POLR2I: variants seen among roughly 807,000 people sequenced by gnomAD.
The protein encoded by POLR2I is DNA-directed RNA polymerase II subunit RPB9.
POLR2I carries 15 observed loss-of-function variants against 23.0 expected under a neutral mutation model. The observed-to-expected ratio is 0.65, with a 90% CI of 0.44 to 1.00. The LOEUF (loss-of-function observed/expected upper bound fraction) is 1.00. POLR2I is among the 50% of genes least tolerant of loss of function. The pLI is 0.00. For missense variants in POLR2I, 120 were observed against 173.7 expected (o/e 0.69, Z 1.74); for synonymous variants, 72 against 65.4 (o/e 1.10, Z -0.49).
rs368763862 is a variant in POLR2I, at chr19:36,114,416, C to T, written c.115-4G>A. On this transcript the variant is annotated splice_polypyrimidine_tract_variant and splice_region_variant and intron_variant, in intron 2 of 5. Transcript: ENST00000221859. The surrounding 1 kb of genome is among the most constrained non-coding windows in gnomAD (Gnocchi z 4.5). ...GCTGGTAATCACAGTTCCGGCACTA[C>T]GAGAGGGCGAGTGTGGGGGAAAGGG... is the stretch of plus-strand genomic sequence containing the variant. 8.1e-6 allele frequency: 13 copies of T among 1,613,396 alleles called. No homozygotes were observed. The African/African-American group carries it at 9.3e-5, about 12-fold the overall frequency.
rs968141176 is a variant in POLR2I, at chr19:36,114,873, C to T, written c.-17G>A. On this transcript the variant is annotated 5_prime_UTR_variant, in exon 1 of 6. Transcript: ENST00000221859. This position sits in a 1 kb window ranked among gnomAD's most constrained non-coding sequence, Gnocchi z 4.5. ...GGGCTCCATGGCGACGCGCAGCCCG[C>T]GCAGCCCTCCCAGCCTTCCGCGCTT... 2 of 1,612,728 alleles carry T rather than the reference C, an allele frequency of 1.2e-6. No individual in the cohort carries two copies. The highest frequency in any genetic ancestry group is 1.3e-5 in the African/African-American group (1 of 75,018).
Position 36,114,875 on chromosome 19 carries a change from C to A in POLR2I, c.-19G>T, listed in dbSNP as rs201075532. The A allele has an allele frequency of 6.2e-7, 1 of 1,612,340 alleles. No individual in the cohort carries two copies. The highest frequency in any genetic ancestry group is 1.3e-5 in the African/African-American group (1 of 75,010). On this transcript the variant is annotated 5_prime_UTR_variant, in exon 1 of 6. Coordinates refer to ENST00000221859, the MANE Select transcript of POLR2I (RefSeq NM_006233.5). This position sits in a 1 kb window ranked among gnomAD's most constrained non-coding sequence, Gnocchi z 4.5. ...GCTCCATGGCGACGCGCAGCCCGCG[C>A]AGCCCTCCCAGCCTTCCGCGCTTGC...
Position 36,114,731 on chromosome 19 carries a change from T to C in POLR2I, c.60-18A>G, listed in dbSNP as rs768848063. The C allele has an allele frequency of 6.2e-7, 1 of 1,613,060 alleles. No individual in the cohort carries two copies. The highest frequency in any genetic ancestry group is 8.5e-7 in the Non-Finnish European group (1 of 1,179,316). On this transcript the variant is annotated intron_variant, in intron 1 of 5. Transcript: ENST00000221859. This position sits in a 1 kb window ranked among gnomAD's most constrained non-coding sequence, Gnocchi z 4.5. ...TGTTGTTACTGTGGGGAGGGGGAGG[T>C]GCCAGGGGTTAGTTCTGGAGCCATT... is the stretch of plus-strand genomic sequence containing the variant.
chr19:36,114,000 C>T lies in POLR2I; in HGVS notation c.315+15G>A. On this transcript the variant is annotated intron_variant, in intron 5 of 5. Coordinates refer to ENST00000221859, the MANE Select transcript of POLR2I (RefSeq NM_006233.5). ...AACAAGCCCCAGATACTTAGAAAGCCCTCGCGCCACTTACCTCGGCCCGCG... is the reference window on the plus strand; with the variant it reads ...AACAAGCCCCAGATACTTAGAAAGCTCTCGCGCCACTTACCTCGGCCCGCG... The T allele has an allele frequency of 6.2e-7, 1 of 1,613,368 alleles. No homozygotes were observed. The highest frequency in any genetic ancestry group is 8.5e-7 in the Non-Finnish European group (1 of 1,179,588).
chr19:36,114,843 C>G lies in POLR2I; in HGVS notation c.14G>C (p.Gly5Ala). The change falls in exon 1 of 6, where the codon GGG (glycine) becomes GCG (alanine). Residue 5 changes from glycine to alanine, a missense_variant. By Grantham distance (60) the Gly-to-Ala change is moderately conservative (BLOSUM62 0). Transcript: ENST00000221859. The surrounding 1 kb of genome is among the most constrained non-coding windows in gnomAD (Gnocchi z 4.5). ...ACCCACGAAGCCCGGCTCGTAAGTCCCGTCGGGCTCCATGGCGACGCGCAG... is the reference window on the plus strand; with the variant it reads ...ACCCACGAAGCCCGGCTCGTAAGTCGCGTCGGGCTCCATGGCGACGCGCAG... MEPD[G>A]TYEPGFVGIR... 1 of 1,613,892 alleles carries G rather than the reference C, an allele frequency of 6.2e-7. No homozygotes were observed.
At chr19:36,113,914 G>A (rs1270277877) in intron 5 of POLR2I, 97 bp from the exon 6 acceptor site, 4 of 1,575,346 alleles carry the variant, frequency 2.5e-6, no homozygotes, top group African/African-American at 2.7e-5. Flanking sequence ...GTAAGGGCCC[G>A]GCAGAGTTCC....
chr19:36,113,876 A>C, intron 5 of POLR2I, 59 bp from the exon 6 acceptor site: 1 of 1,598,762 alleles, frequency 6.3e-7, no homozygotes, highest in South Asian at 1.1e-5. Context: ...TTACCCCAAA[A>C]GAACAGGCAA....
rs776093724 is a variant in POLR2I, at chr19:36,114,627, G to A, written c.114+32C>T. The A allele has an allele frequency of 6.3e-7, 1 of 1,592,928 alleles. No individual in the cohort carries two copies. The highest frequency in any genetic ancestry group is 8.6e-7 in the Non-Finnish European group (1 of 1,165,406). On this transcript the variant is annotated intron_variant, in intron 2 of 5. Coordinates refer to ENST00000221859, the MANE Select transcript of POLR2I (RefSeq NM_006233.5). The surrounding 1 kb of genome is among the most constrained non-coding windows in gnomAD (Gnocchi z 4.5). ...CAGGGCGGGGCCACGCTGGGAACAG[G>A]TGGACCTGCCGGGGAAGACCCCGGC...
In POLR2I at chr19:36,113,754, G is replaced by A; in HGVS notation, c.*1C>T. 6.2e-7 allele frequency: 1 copy of A among 1,613,554 alleles called. No individual in the cohort carries two copies. The highest frequency in any genetic ancestry group is 8.5e-7 in the Non-Finnish European group (1 of 1,179,844). On this transcript the variant is annotated 3_prime_UTR_variant, in exon 6 of 6. Coordinates refer to ENST00000221859, the MANE Select transcript of POLR2I (RefSeq NM_006233.5). The stretch of plus-strand genomic sequence containing the variant: ...TTATTACACTCGGGGGAGAGAGGAG[G>A]TCACTCGGTCCAGCGGTGGCCGCAG...
rs1275100930 is a variant in POLR2I at position 36,114,320 on chromosome 19, C to G, written c.188+19G>C. 1 of 1,613,908 alleles carries G rather than the reference C, an allele frequency of 6.2e-7. No homozygotes were observed. Among genetic ancestry groups the G allele is most frequent in the African/African-American group, 1.3e-5 (1 of 75,026 alleles). ...CCAGAGCCAACACCCCCGCCCCCAG[C>G]TCAGGGCCCGCCACTCACTCCACTT... is the stretch of plus-strand genomic sequence containing the variant. On this transcript the variant is annotated intron_variant, in intron 3 of 5. Transcript: ENST00000221859. The surrounding 1 kb of genome is among the most constrained non-coding windows in gnomAD (Gnocchi z 4.5).
chr19:36,114,024 C>A lies in POLR2I; in HGVS notation c.306G>T (p.Ala102=). 6.2e-7 allele frequency: 1 copy of A among 1,613,964 alleles called. No homozygotes were observed. The highest frequency in any genetic ancestry group is 8.5e-7 in the Non-Finnish European group (1 of 1,179,976). Residue 102 remains alanine (A), a synonymous_variant, in exon 5 of 6, where the codon GCG becomes GCT. Coordinates refer to ENST00000221859, the MANE Select transcript of POLR2I (RefSeq NM_006233.5). This position sits in a 1 kb window ranked among gnomAD's most constrained non-coding sequence, Gnocchi z 4.5. ...CCCTCGCGCCACTTACCTCGGCCCG[C>A]GCACTGTGTGACTGGAAGAACACAG... ...KEAVFFQSHS[A]RAEDAMRLYY... is the part of the protein sequence containing the mutation.
At position 36,114,866 on chromosome 19, in the gene POLR2I, C is replaced by T. The variant is rs567173941; in HGVS notation, c.-10G>A. The T allele has an allele frequency of 2.5e-6, 4 of 1,612,498 alleles. No homozygotes were observed. The highest frequency in any genetic ancestry group is 1.3e-5 in the African/African-American group (1 of 75,000). ...TCCCGTCGGGCTCCATGGCGACGCG[C>T]AGCCCGCGCAGCCCTCCCAGCCTTC... On this transcript the variant is annotated 5_prime_UTR_variant, in exon 1 of 6. Transcript: ENST00000221859. The surrounding 1 kb of genome is among the most constrained non-coding windows in gnomAD (Gnocchi z 4.5).
chr19:36,114,830 C>T lies in POLR2I; in HGVS notation c.27G>A (p.Pro9=). 1.2e-6 allele frequency: 2 copies of T among 1,614,092 alleles called. No individual in the cohort carries two copies. The highest frequency in any genetic ancestry group is 1.1e-5 in the South Asian group (1 of 91,088). MEPDGTYE[P]GFVGIRFCQE... is the part of the protein sequence containing the mutation. The stretch of plus-strand genomic sequence containing the variant: ...GGCAGAAGCGAATACCCACGAAGCC[C>T]GGCTCGTAAGTCCCGTCGGGCTCCA... Residue 9 remains proline, a synonymous_variant, in exon 1 of 6, where the codon CCG becomes CCA. Coordinates refer to ENST00000221859, the MANE Select transcript of POLR2I (RefSeq NM_006233.5). This position sits in a 1 kb window ranked among gnomAD's most constrained non-coding sequence, Gnocchi z 4.5.
chr19:36,114,697 G>A lies in POLR2I; in HGVS notation c.76C>T (p.Pro26Ser). Reference sequence around the variant, plus strand: ...ATGCGGTTCTCCTTGTCTTCCTTGGGGTACAGCATGTTGTTACTGTGGGGA... The same window carrying A: ...ATGCGGTTCTCCTTGTCTTCCTTGGAGTACAGCATGTTGTTACTGTGGGGA... ...FCQECNNMLY[P>S]KEDKENRILL... Residue 26 changes from proline to serine, a missense_variant, in exon 2 of 6, where the codon CCC becomes TCC. Physicochemically the swap from Pro to Ser is moderately conservative, Grantham distance 74. Transcript: ENST00000221859. This position sits in a 1 kb window ranked among gnomAD's most constrained non-coding sequence, Gnocchi z 4.5. 1 of 1,612,282 alleles carries A rather than the reference G, an allele frequency of 6.2e-7. No individual in the cohort carries two copies. The highest frequency in any genetic ancestry group is 1.7e-5 in the Admixed American group (1 of 59,968).
chr19:36,114,154 C>T lies in POLR2I; in HGVS notation c.263+23G>A, dbSNP rs1318881219. The T allele has an allele frequency of 1.2e-6, 2 of 1,613,982 alleles. No homozygotes were observed. Among genetic ancestry groups the T allele is most frequent in the Admixed American group, 1.7e-5 (1 of 59,996 alleles). On this transcript the variant is annotated intron_variant, in intron 4 of 5. Transcript: ENST00000221859. The surrounding 1 kb of genome is among the most constrained non-coding windows in gnomAD (Gnocchi z 4.5). ...GAGGAGACGAGCCTCACTTTACCTC[C>T]CCAGTACCAGCTGAACGCTCACTTT...
Position 36,114,828 on chromosome 19 carries a change from C to G in POLR2I, c.29G>C (p.Gly10Ala). 1 of 1,614,140 alleles carries G rather than the reference C, an allele frequency of 6.2e-7. No individual in the cohort carries two copies. Among genetic ancestry groups the G allele is most frequent in the African/African-American group, 1.3e-5 (1 of 75,070 alleles). MEPDGTYEP[G>A]FVGIRFCQEC... ...CTGGCAGAAGCGAATACCCACGAAG[C>G]CCGGCTCGTAAGTCCCGTCGGGCTC... The change falls in exon 1 of 6, where the codon GGC becomes GCC. Residue 10 changes from glycine (G) to alanine (A), a missense_variant. Gly to Ala is a moderately conservative substitution (Grantham distance 60, BLOSUM62 0). Coordinates refer to ENST00000221859, the MANE Select transcript of POLR2I (RefSeq NM_006233.5). This position sits in a 1 kb window ranked among gnomAD's most constrained non-coding sequence, Gnocchi z 4.5.
rs766238358 is a variant in POLR2I at position 36,114,757 on chromosome 19, C to A, written c.59+41G>T. The A allele has an allele frequency of 5.6e-6, 9 of 1,613,784 alleles. No individual in the cohort carries two copies. Among genetic ancestry groups the A allele is most frequent in the Non-Finnish European group, 7.6e-6 (9 of 1,179,784 alleles). ...GCCAGGGGTTAGTTCTGGAGCCATT[C>A]CTCGCCCGCCTTCTAACATCACCCG... On this transcript the variant is annotated intron_variant, in intron 1 of 5. Transcript: ENST00000221859. The surrounding 1 kb of genome is among the most constrained non-coding windows in gnomAD (Gnocchi z 4.5).
At position 36,114,814 on chromosome 19, in the gene POLR2I, G is replaced by T; in HGVS notation, c.43C>A (p.Arg15Ser). ...GTYEPGFVGI[R>S]FCQECNNMLY... ...CCGCCTCACCATTCCTGGCAGAAGC[G>T]AATACCCACGAAGCCCGGCTCGTAA... The change falls in exon 1 of 6, where the codon CGC becomes AGC. Residue 15 changes from arginine to serine, a missense_variant. Transcript: ENST00000221859. The surrounding 1 kb of genome is among the most constrained non-coding windows in gnomAD (Gnocchi z 4.5). The T allele has an allele frequency of 6.2e-7, 1 of 1,614,154 alleles. No homozygotes were observed. Among genetic ancestry groups the T allele is most frequent in the East Asian group, 2.2e-5 (1 of 44,872 alleles).
Position 36,114,286 on chromosome 19 carries a change from A to T in POLR2I, c.189-35T>A. 1.2e-6 allele frequency: 2 copies of T among 1,612,276 alleles called. No homozygotes were observed. Among genetic ancestry groups the T allele is most frequent in the Non-Finnish European group, 8.5e-7 (1 of 1,179,320 alleles). ...CGCGGGGGTGCAAAATTACGCTCAG[A>T]CCCAGCCTCCAGAGCCAACACCCCC... is the stretch of plus-strand genomic sequence containing the variant. On this transcript the variant is annotated intron_variant, in intron 3 of 5. Coordinates refer to ENST00000221859, the MANE Select transcript of POLR2I (RefSeq NM_006233.5). This position sits in a 1 kb window ranked among gnomAD's most constrained non-coding sequence, Gnocchi z 4.5.
Sources: allele counts gnomAD v4.1 joint callset, GRCh38; gene constraint gnomAD v4.1.1; non-coding constraint Gnocchi (gnomAD v3.1); transcripts MANE v1.5; gene names NCBI Gene and HGNC (gene_info 2026-07-23, HGNC 2026-07-21).